Variants in FHIP1A observed in about 807,000 individuals in gnomAD.
FHIP1A encodes the protein FHF complex subunit HOOK interacting protein 1A, also known as FHF complex subunit HOOK-interacting protein 1A.
In FHIP1A, 61 loss-of-function variants were observed where a neutral mutation model predicts 88.6. That is an observed-to-expected ratio of 0.69 (90% CI 0.56 to 0.85). FHIP1A has a LOEUF of 0.85. FHIP1A is among the 40% of genes least tolerant of loss of function. FHIP1A has a pLI of 0.00. For missense variants in FHIP1A, 1,154 were observed against 1,273.5 expected (o/e 0.91, Z 1.43); for synonymous variants, 478 against 496.0 (o/e 0.96, Z 0.48).
At chr4:151,430,870 A>G (rs947264033) in intron 1 of FHIP1A, among the ~76,000 whole-genome samples, 2 of 152,238 alleles carry the variant, frequency 1.3e-5, no homozygotes, top group African/African-American at 2.4e-5. Flanking sequence ...TTACACGGGC[A>G]GTAACAAAAG....
chr4:151,653,818 G>A (rs1737124001), intron 11 of FHIP1A, among the ~76,000 whole-genome samples: 1 of 152,150 alleles, frequency 6.6e-6, no homozygotes, highest in African/African-American at 2.4e-5. Flanking sequence ...AGTGCAGGAA[G>A]AGGGTGCAGG....
chr4:151,608,037 CTTTTTTTTTTTTTTT>C (rs376335318), intron 7 of FHIP1A, among the ~76,000 whole-genome samples: 1 of 67,104 alleles, frequency 1.5e-5, no homozygotes. Context: ...CTTTCTTCTT[CTTTTTTTTTTTTTTT>C]TTTTTTTTTT....
At chr4:151,539,389 C>T (rs1732187543) in intron 3 of FHIP1A, among the ~76,000 whole-genome samples, 1 of 151,824 alleles carries the variant, frequency 6.6e-6, no homozygotes, top group Non-Finnish European at 1.5e-5. Flanking sequence ...CAAGACTAGC[C>T]TGGCCAACGT....
intron 3 of FHIP1A, among the ~76,000 whole-genome samples, chr4:151,500,577 C>G (rs1580638105): frequency 6.6e-6 from 1 of 151,932 alleles, no homozygotes; most frequent in African/African-American, 2.4e-5. Context: ...AAATAATAGT[C>G]TACATACCTC....
chr4:151,577,231 C>T (rs1298522388), intron 4 of FHIP1A, among the ~76,000 whole-genome samples: 1 of 152,090 alleles, frequency 6.6e-6, no homozygotes, highest in Non-Finnish European at 1.5e-5. Flanking sequence ...AAATTTATAA[C>T]TGTGTAAGTA....
At position 151,593,879 on chromosome 4, in the gene FHIP1A, A is replaced by G. The variant is rs189513858; in HGVS notation, c.978+4953A>G. 8.5e-3 allele frequency among the ~76,000 whole-genome samples: 1,297 copies of G among 152,268 alleles called. 10 individuals are homozygous for G. The highest frequency in any genetic ancestry group is 0.014 in the Non-Finnish European group (980 of 68,030). The stretch of plus-strand genomic sequence containing the variant: ...TGCTTCCAGCTTTTTCCCATTCAGT[A>G]TGATATTGGCTGTGGGTTTGTCATA... On this transcript the variant is annotated intron_variant, in intron 7 of 13. Coordinates refer to ENST00000435205, the MANE Select transcript of FHIP1A (RefSeq NM_001109977.3).
At chr4:151,433,256 G>A (rs183606766) in intron 1 of FHIP1A, among the ~76,000 whole-genome samples, 1 of 151,542 alleles carries the variant, frequency 6.6e-6, no homozygotes, top group East Asian at 1.9e-4. Flanking sequence ...TATTGAGGAG[G>A]CTACTGTGAA....
intron 1 of FHIP1A, among the ~76,000 whole-genome samples, chr4:151,444,394 T>C (rs1310641613): frequency 2.0e-5 from 3 of 152,162 alleles, no homozygotes; most frequent in Non-Finnish European, 4.4e-5. Flanking sequence ...CATAAGTACA[T>C]GTATAATTTA....
intron 3 of FHIP1A, among the ~76,000 whole-genome samples, chr4:151,489,177 C>G (rs1596289): frequency 0.35 from 53,408 of 152,060 alleles, 9,985 homozygotes; most frequent in Non-Finnish European, 0.43. Flanking sequence ...TCCTGAAAAT[C>G]CAGCTCACAG....
At position 151,482,531 on chromosome 4, in the gene FHIP1A, A is replaced by C. The variant is rs1388351253; in HGVS notation, c.-240A>C. ...TTTTATTCCTCTTCATAGATTTTTA[A>C]AGTCTTCTTCTAGGGGTTTCCAGCA... On this transcript the variant is annotated 5_prime_UTR_variant, in exon 3 of 14. Coordinates refer to ENST00000435205, the MANE Select transcript of FHIP1A (RefSeq NM_001109977.3). 1 of 151,790 alleles carries C rather than the reference A, an allele frequency of 6.6e-6. No individual in the cohort carries two copies. The highest frequency in any genetic ancestry group is 1.5e-5 in the Non-Finnish European group (1 of 67,856). 9.4% of individuals were successfully genotyped at this position (151,790 alleles called of 1,614,324 possible). A position where few individuals can be genotyped will look rare whatever the true frequency, so the allele number is the denominator to read the frequency against.
intron 1 of FHIP1A, among the ~76,000 whole-genome samples, chr4:151,419,950 A>G (rs1439141574): frequency 0.013 from 20 of 1,526 alleles, 1 homozygote; most frequent in African/African-American, 0.061. Context: ...ATAGTATTCC[A>G]TGGTGTATAT....
chr4:151,464,560 G>C (rs1729243847), intron 2 of FHIP1A, among the ~76,000 whole-genome samples: 1 of 152,152 alleles, frequency 6.6e-6, no homozygotes, highest in African/African-American at 2.4e-5. Flanking sequence ...GCACCAGTTT[G>C]CTTGTATATT....
chr4:151,568,447 C>T (rs1733473686), intron 4 of FHIP1A, among the ~76,000 whole-genome samples: 1 of 152,172 alleles, frequency 6.6e-6, no homozygotes, highest in Non-Finnish European at 1.5e-5. Flanking sequence ...GGAAAATGCT[C>T]TCAGTCTCTG....
intron 7 of FHIP1A, among the ~76,000 whole-genome samples, chr4:151,606,031 G>A (rs1285671566): frequency 1.3e-5 from 2 of 152,064 alleles, no homozygotes; most frequent in African/African-American, 2.4e-5. Context: ...AAATATTAAC[G>A]GGCTATAATT....
In FHIP1A at chr4:151,523,343, G is replaced by T. The variant is rs140344899; in HGVS notation, c.-123+40695G>T. On this transcript the variant is annotated intron_variant, in intron 3 of 13. Coordinates refer to ENST00000435205, the MANE Select transcript of FHIP1A (RefSeq NM_001109977.3). Reference sequence around the variant, plus strand: ...AGTCAAGTGACAGATTTGTTTACTTGCTGACACAGTGGAATTTGTTCATTT... The same window carrying T: ...AGTCAAGTGACAGATTTGTTTACTTTCTGACACAGTGGAATTTGTTCATTT... 2.3e-4 allele frequency among the ~76,000 whole-genome samples: 35 copies of T among 152,282 alleles called. No homozygotes were observed. In the East Asian group the frequency reaches 6.2e-3, roughly 27 times the overall value.
chr4:151,648,314 C>G (rs1008497980), intron 10 of FHIP1A, among the ~76,000 whole-genome samples: 6 of 152,162 alleles, frequency 3.9e-5, no homozygotes, highest in African/African-American at 1.4e-4. Context: ...AGAAGACTGC[C>G]TCGCATGTAG....
chr4:151,649,064 G>A (rs1192070152), intron 10 of FHIP1A, among the ~76,000 whole-genome samples: 1 of 152,068 alleles, frequency 6.6e-6, no homozygotes, highest in Non-Finnish European at 1.5e-5. Context: ...CCAGCCTTCC[G>A]CTTTAGATTC....
chr4:151,453,403 A>C (rs964090419), intron 1 of FHIP1A, among the ~76,000 whole-genome samples: 4 of 152,294 alleles, frequency 2.6e-5, no homozygotes, highest in African/African-American at 9.6e-5. Flanking sequence ...TTAGCTATGC[A>C]ATCTTGGACA....
chr4:151,500,839 G>T (rs796176622), intron 3 of FHIP1A, among the ~76,000 whole-genome samples: 1 of 152,088 alleles, frequency 6.6e-6, no homozygotes, highest in African/African-American at 2.4e-5. Flanking sequence ...ATTGTTGGAG[G>T]TGTTAAATTA....
Sources: gnomAD v4.1 joint callset for allele counts (sites outside exome capture counted in the v4.1 genomes callset) on GRCh38, gnomAD v4.1.1 for gene constraint, MANE v1.5 for transcripts, NCBI Gene and HGNC (gene_info 2026-07-23, HGNC 2026-07-21) for gene names.